Variants in KIAA0586 observed in about 807,000 individuals in gnomAD.
KIAA0586 encodes the protein protein TALPID3.
Under a neutral mutation model 169.8 loss-of-function variants are expected in KIAA0586, and 144 were observed. The observed-to-expected ratio is 0.85, with a 90% CI of 0.74 to 0.97. KIAA0586 has a LOEUF of 0.97. KIAA0586 is among the 50% of genes least tolerant of loss of function. The pLI, the probability that KIAA0586 is intolerant of heterozygous loss-of-function variation, is 0.00. For missense variants in KIAA0586, 1,854 were observed against 1,823.0 expected (o/e 1.02, Z -0.31); for synonymous variants, 625 against 612.4 (o/e 1.02, Z -0.30).
intron 6 of KIAA0586, among the ~76,000 whole-genome samples, 170 bp from the exon 7 acceptor site, chr14:58,448,170 A>G (rs2039062955): frequency 6.6e-6 from 1 of 152,222 alleles, no homozygotes; most frequent in African/African-American, 2.4e-5. Context: ...ACATCTTTCC[A>G]ATGGCATCAC....
intron 2 of KIAA0586, 120 bp downstream of exon 2, chr14:58,429,553 A>C: frequency 2.9e-6 from 2 of 698,184 alleles, no homozygotes; most frequent in South Asian, 3.3e-5. Context: ...TCACTTACCA[A>C]AACAAATGTT....
At chr14:58,432,352 G>T in intron 3 of KIAA0586, 36 bp from the exon 4 acceptor site, 2 of 1,229,400 alleles carry the variant, frequency 1.6e-6, no homozygotes, top group Admixed American at 2.5e-5. Flanking sequence ...AAATATTCAG[G>T]AATTTAATAT....
rs923064328 is a variant in KIAA0586, at chr14:58,549,580, T to G, written c.*1648T>G. On this transcript the variant is annotated 3_prime_UTR_variant, in exon 31 of 31. Transcript: ENST00000652326. ...TTACTGGAATGTTTTAGGTTTCACTTTAGAACCCGTTTTCTTTGATATGGC... is the reference window on the plus strand; with the variant it reads ...TTACTGGAATGTTTTAGGTTTCACTGTAGAACCCGTTTTCTTTGATATGGC... The G allele has an allele frequency of 6.6e-6, 1 of 152,218 alleles. No homozygotes were observed. Among genetic ancestry groups the G allele is most frequent in the Non-Finnish European group, 1.5e-5 (1 of 68,050 alleles). 9.4% of individuals were successfully genotyped at this position (152,218 alleles called of 1,614,324 possible).
At chr14:58,540,654 A>T (rs538575124) in intron 30 of KIAA0586, among the ~76,000 whole-genome samples, 2 of 152,342 alleles carry the variant, frequency 1.3e-5, no homozygotes, top group Admixed American at 6.5e-5. Flanking sequence ...TAAAATAAGC[A>T]TTTGTCAACT....
chr14:58,454,025 T>A (rs987516375), intron 9 of KIAA0586, among the ~76,000 whole-genome samples: 3 of 152,202 alleles, frequency 2.0e-5, no homozygotes, highest in African/African-American at 7.2e-5. Context: ...ATAGTCTATT[T>A]ACATGTAATG....
Position 58,448,964 on chromosome 14 carries a change from G to A in KIAA0586, c.961+471G>A, listed in dbSNP as rs373343954. Among the ~76,000 whole-genome samples, 4 of 152,250 alleles carry A rather than the reference G, an allele frequency of 2.6e-5. 1 individual carries two copies. On this transcript the variant is annotated intron_variant, in intron 7 of 30. Transcript: ENST00000652326. The stretch of plus-strand genomic sequence containing the variant: ...CCATTTCTAAATATTTTCAGAATTA[G>A]TAATGCAAGTCTGCTTATCTTGATT...
chr14:58,471,291 T>A (rs184377409), intron 17 of KIAA0586, among the ~76,000 whole-genome samples: 7 of 152,346 alleles, frequency 4.6e-5, no homozygotes, highest in Non-Finnish European at 1.0e-4. Flanking sequence ...AGAATTTCTG[T>A]CACTTTGGTG....
intron 6 of KIAA0586, among the ~76,000 whole-genome samples, chr14:58,447,471 T>TTATTC (rs2038991467): frequency 6.7e-6 from 1 of 148,946 alleles, no homozygotes; most frequent in Non-Finnish European, 1.5e-5. Context: ...TTATTTTATT[T>TTATTC]TATTTTGTTT....
At chr14:58,432,959 A>G (rs1711866573) in intron 4 of KIAA0586, among the ~76,000 whole-genome samples, 3 of 151,976 alleles carry the variant, frequency 2.0e-5, no homozygotes, top group Non-Finnish European at 4.4e-5. Context: ...CAGGTGATCT[A>G]CCTGCTTCGG....
intron 19 of KIAA0586, among the ~76,000 whole-genome samples, chr14:58,476,465 T>C (rs1401203824): frequency 2.6e-5 from 4 of 152,108 alleles, no homozygotes; most frequent in Admixed American, 1.3e-4. Flanking sequence ...TGATCTGATA[T>C]GGTTTTTATG....
chr14:58,489,989 G>C (rs1039655522), intron 24 of KIAA0586, among the ~76,000 whole-genome samples, 175 bp from the exon 25 acceptor site: 18 of 151,896 alleles, frequency 1.2e-4, no homozygotes, highest in African/African-American at 4.4e-4. Flanking sequence ...GTTATAAATT[G>C]TACTTCAAAA....
rs889067056 is a variant in KIAA0586, at chr14:58,549,387, G to A, written c.*1455G>A. On this transcript the variant is annotated 3_prime_UTR_variant, in exon 31 of 31. Coordinates refer to ENST00000652326, the MANE Select transcript of KIAA0586 (RefSeq NM_001329943.3). The stretch of plus-strand genomic sequence containing the variant: ...TCAGGTAATTTTAATGGGCACTCAA[G>A]GCTGAGAATTACTGAAGAGCAATTT... 1 of 151,864 alleles carries A rather than the reference G, an allele frequency of 6.6e-6. No homozygotes were observed. Among genetic ancestry groups the A allele is most frequent in the Non-Finnish European group, 1.5e-5 (1 of 67,994 alleles). 9.4% of individuals were successfully genotyped at this position (151,864 alleles called of 1,614,324 possible).
chr14:58,510,544 A>G (rs887073359), intron 28 of KIAA0586, among the ~76,000 whole-genome samples: 4 of 152,194 alleles, frequency 2.6e-5, no homozygotes, highest in African/African-American at 7.2e-5. Flanking sequence ...TGGGAATGTA[A>G]AACGATCCAA....
At chr14:58,435,894 A>G (rs1014727446) in intron 4 of KIAA0586, among the ~76,000 whole-genome samples, 3 of 152,188 alleles carry the variant, frequency 2.0e-5, no homozygotes, top group African/African-American at 7.2e-5. Context: ...TTTTTAGTAG[A>G]GACGGGGTTT....
intron 8 of KIAA0586, 23 bp downstream of exon 8, chr14:58,450,769 C>T (rs1207306181): frequency 6.8e-7 from 1 of 1,474,392 alleles, no homozygotes; most frequent in African/African-American, 1.4e-5. Context: ...TTTACTAGAC[C>T]TATCCCAAAT....
Position 58,442,812 on chromosome 14 carries a change from A to G in KIAA0586, c.517A>G (p.Ile173Val). The G allele has an allele frequency of 6.2e-7, 1 of 1,610,420 alleles. No individual in the cohort carries two copies. Residue 173 changes from isoleucine to valine, a missense_variant, in exon 5 of 31, where the codon ATT (isoleucine) becomes GTT (valine). Transcript: ENST00000652326. Reference protein sequence around the residue: ...TQETRISPSGIDSATTVAAAT... With the variant: ...TQETRISPSGVDSATTVAAAT... Reference sequence around the variant, plus strand: ...GGAGACTAGAATTTCACCCAGTGGAATTGATTCAGCTACAACCGTGGCTGC... The same window carrying G: ...GGAGACTAGAATTTCACCCAGTGGAGTTGATTCAGCTACAACCGTGGCTGC...
At chr14:58,482,403 G>A (rs956252236) in intron 20 of KIAA0586, 110 bp from the exon 21 acceptor site, 191 of 811,888 alleles carry the variant, frequency 2.4e-4, no homozygotes, top group Non-Finnish European at 3.2e-4. Flanking sequence ...TCCAGCCTGG[G>A]TGACAGAGTG....
At chr14:58,559,793 C>T in the KIAA0586 span, among the ~76,000 whole-genome samples, 1 of 152,096 alleles carries the variant, frequency 6.6e-6, no homozygotes, top group Non-Finnish European at 1.5e-5. Flanking sequence ...AACCTCTCAT[C>T]AATGAGATCA....
At position 58,457,934 on chromosome 14, in the gene KIAA0586, A is replaced by T. The variant is rs796052129; in HGVS notation, c.1538A>T (p.Asp513Val). The part of the protein sequence containing the change: ...ENLEAIIRAK[D>V]GAAMYSLINA... ...CTGGAAGCTATTATTCGTGCAAAAG[A>T]TGGAGCTGCCATGTATTCGCTTATC... is the stretch of plus-strand genomic sequence containing the variant. Residue 513 changes from aspartate to valine, a missense_variant, in exon 11 of 31, where the codon GAT becomes GTT. Asp to Val is a radical substitution (Grantham distance 152). Coordinates refer to ENST00000652326, the MANE Select transcript of KIAA0586 (RefSeq NM_001329943.3). The T allele has an allele frequency of 1.9e-6, 3 of 1,603,462 alleles. No homozygotes were observed. The highest frequency in any genetic ancestry group is 1.7e-4 in the Middle Eastern group (1 of 6,048).
Sources: allele counts gnomAD v4.1 joint callset (sites outside exome capture counted in the v4.1 genomes callset), GRCh38; gene constraint gnomAD v4.1.1; transcripts MANE v1.5; gene names NCBI Gene and HGNC (gene_info 2026-07-23, HGNC 2026-07-21).